Variants in ACOXL observed in about 807,000 individuals in gnomAD.
ACOXL encodes the protein acyl-coenzyme A oxidase-like protein.
In ACOXL, 70 loss-of-function variants were observed where a neutral mutation model predicts 71.9. The ratio of observed to expected loss-of-function variants is 0.97; its 90% CI spans 0.80 to 1.19. The LOEUF (loss-of-function observed/expected upper bound fraction) is 1.19. Ranked by LOEUF, ACOXL falls within the 50% of genes most tolerant of loss-of-function variation. The pLI, the probability that ACOXL is intolerant of heterozygous loss-of-function variation, is 0.00. For missense variants in ACOXL, 703 were observed against 736.3 expected (o/e 0.95, Z 0.52); for synonymous variants, 253 against 281.6 (o/e 0.90, Z 1.02).
At chr2:110,785,134 C>T (rs1433985592) in intron 3 of ACOXL, among the ~76,000 whole-genome samples, 1 of 152,036 alleles carries the variant, frequency 6.6e-6, no homozygotes, top group Non-Finnish European at 1.5e-5. Flanking sequence ...TTGCTAAGAT[C>T]GATTCATATT....
At chr2:111,073,619 C>A (rs972791658) in intron 16 of ACOXL, among the ~76,000 whole-genome samples, 2 of 152,054 alleles carry the variant, frequency 1.3e-5, no homozygotes, top group African/African-American at 2.4e-5. Flanking sequence ...TTCCCATTGA[C>A]CTACGTGTAT....
At chr2:110,864,114 TCAACGTTTCAGCA>T (rs1694276484) in intron 10 of ACOXL, among the ~76,000 whole-genome samples, 1 of 152,140 alleles carries the variant, frequency 6.6e-6, no homozygotes, top group South Asian at 2.1e-4. Context: ...CCAAAGATGA[TCAACGTTTCAGCA>T]GGCGCCATGA....
intron 10 of ACOXL, among the ~76,000 whole-genome samples, chr2:110,881,636 G>A (rs575647999): frequency 5.9e-5 from 9 of 152,092 alleles, no homozygotes; most frequent in South Asian, 2.1e-4. Context: ...CCGTCCTCTC[G>A]CTTTTCTCTC....
At chr2:111,029,172 C>T (rs1164032304) in intron 14 of ACOXL, among the ~76,000 whole-genome samples, 1 of 152,220 alleles carries the variant, frequency 6.6e-6, no homozygotes, top group African/African-American at 2.4e-5. Context: ...TGGCATAAGA[C>T]TGTATTTACA....
intron 9 of ACOXL, among the ~76,000 whole-genome samples, chr2:110,829,237 C>T (rs938285633): frequency 3.9e-5 from 6 of 152,158 alleles, no homozygotes; most frequent in African/African-American, 1.4e-4. Context: ...AGTTTTCTAT[C>T]TGCTGAACAG....
At chr2:111,104,630 T>C (rs773293495) in intron 17 of ACOXL, among the ~76,000 whole-genome samples, 3 of 152,224 alleles carry the variant, frequency 2.0e-5, no homozygotes, top group African/African-American at 7.2e-5. Flanking sequence ...GCCATCTGTA[T>C]GTTCTCTTTG....
chr2:110,733,948 C>T (rs1044616387), intron 1 of ACOXL, among the ~76,000 whole-genome samples: 2 of 152,198 alleles, frequency 1.3e-5, no homozygotes, highest in Non-Finnish European at 2.9e-5. Context: ...CACTCTCATT[C>T]TCTCACTAAT....
chr2:111,046,162 G>A (rs1399662487), intron 15 of ACOXL, among the ~76,000 whole-genome samples: 1 of 152,240 alleles, frequency 6.6e-6, no homozygotes, highest in African/African-American at 2.4e-5. Context: ...CTAAGATGGA[G>A]TGCAGACTCA....
At chr2:110,968,738 A>G (rs373476279) in intron 12 of ACOXL, 6 of 614,920 alleles carry the variant, frequency 9.8e-6, no homozygotes, top group Non-Finnish European at 1.0e-5. Flanking sequence ...ACAATTTTCT[A>G]TGACGATTTT....
intron 16 of ACOXL, among the ~76,000 whole-genome samples, chr2:111,082,923 C>T (rs998880686): frequency 2.0e-5 from 3 of 152,104 alleles, no homozygotes; most frequent in Non-Finnish European, 4.4e-5. Flanking sequence ...TCTCACCAAA[C>T]TAACACAAGA....
intron 17 of ACOXL, chr2:111,098,527 A>G (rs1189132632): frequency 6.6e-6 from 1 of 152,216 alleles, no homozygotes; most frequent in African/African-American, 2.4e-5. Context: ...GAGACTCAGG[A>G]GATATGGTAA....
At chr2:111,009,262 C>G (rs1198917047) in intron 14 of ACOXL, among the ~76,000 whole-genome samples, 4 of 151,890 alleles carry the variant, frequency 2.6e-5, no homozygotes, top group African/African-American at 9.7e-5. Flanking sequence ...GTCTGTAATC[C>G]CAGTACTTTG....
intron 1 of ACOXL, among the ~76,000 whole-genome samples, chr2:110,753,430 CTAT>C (rs1679266697): frequency 6.6e-6 from 1 of 152,192 alleles, no homozygotes; most frequent in African/African-American, 2.4e-5. Context: ...TCCAGGTGGA[CTAT>C]TTATAAGGCT....
At chr2:110,960,596 T>C (rs947411584) in intron 12 of ACOXL, among the ~76,000 whole-genome samples, 4 of 151,900 alleles carry the variant, frequency 2.6e-5, no homozygotes, top group African/African-American at 7.3e-5. Flanking sequence ...TGAGCCTCTT[T>C]CTTGGGGTCT....
intron 9 of ACOXL, among the ~76,000 whole-genome samples, chr2:110,835,445 A>G (rs1348753196): frequency 1.3e-5 from 2 of 152,114 alleles, no homozygotes; most frequent in African/African-American, 4.8e-5. Context: ...TGAGGCTCCA[A>G]GGCTTGCCCT....
At chr2:110,845,402 G>A (rs1390189285) in intron 10 of ACOXL, among the ~76,000 whole-genome samples, 1 of 152,192 alleles carries the variant, frequency 6.6e-6, no homozygotes, top group Admixed American at 6.5e-5. Context: ...TGGCCGTTAA[G>A]TTTCAACACC....
At chr2:110,795,125 G>A (rs1685135366) in intron 5 of ACOXL, among the ~76,000 whole-genome samples, 1 of 152,220 alleles carries the variant, frequency 6.6e-6, no homozygotes, top group African/African-American at 2.4e-5. Context: ...GTGGCTGCGG[G>A]TGCTGCCTGG....
At chr2:111,116,962 G>C (rs923608112) in intron 17 of ACOXL, among the ~76,000 whole-genome samples, 3 of 152,206 alleles carry the variant, frequency 2.0e-5, no homozygotes, top group African/African-American at 7.2e-5. Flanking sequence ...CAGAACCAAG[G>C]GCATCCGCGG....
chr2:110,980,594 C>A (rs1290354981), intron 12 of ACOXL, among the ~76,000 whole-genome samples: 1 of 152,194 alleles, frequency 6.6e-6, no homozygotes, highest in Non-Finnish European at 1.5e-5. Flanking sequence ...GAAATTCTAA[C>A]AGGAAATCGC....
Sources: allele counts gnomAD v4.1 joint callset (sites outside exome capture counted in the v4.1 genomes callset), GRCh38; gene constraint gnomAD v4.1.1; transcripts MANE v1.5; gene names NCBI Gene and HGNC (gene_info 2026-07-23, HGNC 2026-07-21).